Variants in GPAT3 observed in about 807,000 individuals in gnomAD.
GPAT3 encodes the protein glycerol-3-phosphate acyltransferase 3.
GPAT3 carries 53 observed loss-of-function variants against 58.8 expected under a neutral mutation model. The ratio of observed to expected loss-of-function variants is 0.90; its 90% CI spans 0.72 to 1.13. The LOEUF (loss-of-function observed/expected upper bound fraction) is 1.13. Ranked by LOEUF, GPAT3 falls within the 50% of genes most tolerant of loss-of-function variation. The pLI is 0.00. For synonymous variants in GPAT3, 197 were observed against 187.4 expected (o/e 1.05, Z -0.42); for missense variants, 511 against 527.6 (o/e 0.97, Z 0.31).
chr4:83,587,265 G>T lies in GPAT3; in HGVS notation c.490G>T (p.Ala164Ser). ...TCTTTTCTTTTTCAGGGTTACCTTG[G>T]CTTTCATTGGGATCAGTTTGCTGGT... is the stretch of plus-strand genomic sequence containing the variant. ...CVLLPLRVTLAFIGISLLVIG... is the reference protein window; with the variant it reads ...CVLLPLRVTLSFIGISLLVIG... Residue 164 changes from alanine to serine, a missense_variant, in exon 4 of 12, where the codon GCT (alanine) becomes TCT (serine). Coordinates refer to ENST00000264409, the MANE Select transcript of GPAT3 (RefSeq NM_032717.5). 1 of 1,613,562 alleles carries T rather than the reference G, an allele frequency of 6.2e-7. No homozygotes were observed. The highest frequency in any genetic ancestry group is 8.5e-7 in the Non-Finnish European group (1 of 1,179,850).
intron 1 of GPAT3, among the ~76,000 whole-genome samples, chr4:83,538,105 C>A (rs1259078401): frequency 6.6e-6 from 1 of 152,140 alleles, no homozygotes; most frequent in African/African-American, 2.4e-5. Context: ...ATTTTTGTGA[C>A]CTGTTTTCTC....
At chr4:83,563,180 G>A (rs62305332) in intron 2 of GPAT3, among the ~76,000 whole-genome samples, 28,280 of 152,148 alleles carry the variant, frequency 0.19, 3,099 homozygotes, top group East Asian at 0.31. Context: ...GGCTAGTGCT[G>A]GTGGACAAAC....
chr4:83,573,214 A>T (rs1438231017), intron 2 of GPAT3, among the ~76,000 whole-genome samples: 3 of 152,148 alleles, frequency 2.0e-5, no homozygotes, highest in Non-Finnish European at 2.9e-5. Flanking sequence ...GGTTTGGTTC[A>T]CTGCAACCTC....
chr4:83,541,513 T>G (rs948550901), intron 1 of GPAT3, among the ~76,000 whole-genome samples: 4 of 150,496 alleles, frequency 2.7e-5, no homozygotes, highest in African/African-American at 7.3e-5. Flanking sequence ...ATTATAGGCA[T>G]GAGCCACAGT....
In GPAT3 at chr4:83,536,726, C is replaced by T. The variant is rs1038574642; in HGVS notation, c.104C>T (p.Ser35Phe). 3.1e-6 allele frequency: 5 copies of T among 1,613,300 alleles called. No individual in the cohort carries two copies. The East Asian group carries it at 6.7e-5, about 22-fold the overall frequency. The part of the protein sequence containing the change: ...PSVFGVSLGI[S>F]EIYMKILVKT... ...GTCTTCGGAGTGTCTCTGGGCATCT[C>T]CGAGATCTACATGAAGATCCTAGTG... Residue 35 changes from serine (S) to phenylalanine (F), a missense_variant, in exon 1 of 12, where the codon TCC (serine) becomes TTC (phenylalanine). Physicochemically the swap from Ser to Phe is radical, Grantham distance 155. Transcript: ENST00000264409.
intron 10 of GPAT3, 142 bp downstream of exon 10, chr4:83,598,321 C>T: frequency 8.8e-7 from 1 of 1,135,546 alleles, no homozygotes; most frequent in Non-Finnish European, 1.2e-6. Flanking sequence ...ATTTAGCTCA[C>T]TTTAAATCAG....
At chr4:83,575,224 A>C (rs907898337) in intron 2 of GPAT3, among the ~76,000 whole-genome samples, 2 of 151,824 alleles carry the variant, frequency 1.3e-5, no homozygotes, top group African/African-American at 2.4e-5. Flanking sequence ...CTTCCTTTCT[A>C]ATCTGTAATT....
At position 83,596,930 on chromosome 4, in the gene GPAT3, C is replaced by T. The variant is rs777610967; in HGVS notation, c.910+17C>T. ...TTCCTGAAGGTAAGAATGGGCCTGC[C>T]TCCCGAGCTATAGTTGATAACAACA... is the stretch of plus-strand genomic sequence containing the variant. On this transcript the variant is annotated intron_variant, in intron 8 of 11. Transcript: ENST00000264409. 1.7e-5 allele frequency: 27 copies of T among 1,596,498 alleles called. No individual in the cohort carries two copies. The highest frequency in any genetic ancestry group is 2.2e-5 in the Non-Finnish European group (26 of 1,170,500).
chr4:83,562,248 TAA>T, intron 2 of GPAT3, among the ~76,000 whole-genome samples: 1 of 110,768 alleles, frequency 9.0e-6, no homozygotes, highest in Non-Finnish European at 1.8e-5. Context: ...TATATATATA[TAA>T]AATATAGTTT....
Position 83,541,949 on chromosome 4 carries a change from GTCAGATTGGATTAGGGC to G in GPAT3, c.142-2586_142-2570del, listed in dbSNP as rs1197327414. Among the ~76,000 whole-genome samples the G allele has an allele frequency of 5.3e-5, 8 of 152,162 alleles. No individual in the cohort carries two copies. In the East Asian group the frequency reaches 1.5e-3, roughly 29 times the overall value. On this transcript the variant is annotated intron_variant, in intron 1 of 11. Coordinates refer to ENST00000264409, the MANE Select transcript of GPAT3 (RefSeq NM_032717.5). The stretch of plus-strand genomic sequence containing the variant: ...GTTTCCTCTTCTTACAAGGACATCA[GTCAGATTGGATTAGGGC>G]CCACCCTAAGGGCTTCTTTTTAACT...
At chr4:83,549,396 G>T (rs1010592569) in intron 2 of GPAT3, among the ~76,000 whole-genome samples, 4 of 151,552 alleles carry the variant, frequency 2.6e-5, no homozygotes, top group Admixed American at 2.6e-4. Context: ...ACATAATTCA[G>T]TTATGGGGTT....
At chr4:83,601,310 A>G (rs956928538) in intron 11 of GPAT3, among the ~76,000 whole-genome samples, 2 of 152,238 alleles carry the variant, frequency 1.3e-5, no homozygotes, top group Non-Finnish European at 2.9e-5. Flanking sequence ...ACTGTACTCC[A>G]TTATGCAAGG....
intron 2 of GPAT3, among the ~76,000 whole-genome samples, chr4:83,579,059 TTTCTTTCTTTCTTTCTTTCTTCCC>T (rs1217065125): frequency 5.7e-5 from 2 of 34,932 alleles, no homozygotes; most frequent in Non-Finnish European, 1.1e-4. Flanking sequence ...TCTTTCTTTC[TTTCTTTCTTTCTTTCTTTCTTCCC>T]TTCCTTCCTT....
At chr4:83,568,531 G>A (rs1339064860) in intron 2 of GPAT3, among the ~76,000 whole-genome samples, 2 of 148,506 alleles carry the variant, frequency 1.3e-5, no homozygotes, top group African/African-American at 5.0e-5. Context: ...TTTTTGAGAC[G>A]GAGTCTCGCT....
intron 2 of GPAT3, among the ~76,000 whole-genome samples, chr4:83,575,168 G>A (rs1345686825): frequency 2.0e-5 from 3 of 151,822 alleles, no homozygotes; most frequent in Non-Finnish European, 4.4e-5. Context: ...GAGCCACCGC[G>A]CCCGGCCAAC....
At position 83,577,280 on chromosome 4, in the gene GPAT3, C is replaced by T. The variant is rs968068459; in HGVS notation, c.209-4282C>T. On this transcript the variant is annotated intron_variant, in intron 2 of 11. Coordinates refer to ENST00000264409, the MANE Select transcript of GPAT3 (RefSeq NM_032717.5). ...TGACTTGACATGTAAATGTAAGGTG[C>T]AATCCTGGACCAGAAAAAAAAAATT... is the stretch of plus-strand genomic sequence containing the variant. 9.2e-5 allele frequency among the ~76,000 whole-genome samples: 14 copies of T among 151,664 alleles called. 1 individual carries two copies. In the East Asian group the frequency reaches 2.7e-3, roughly 29 times the overall value.
At chr4:83,551,002 A>T (rs1724729093) in intron 2 of GPAT3, among the ~76,000 whole-genome samples, 1 of 152,224 alleles carries the variant, frequency 6.6e-6, no homozygotes, top group African/African-American at 2.4e-5. Flanking sequence ...AATTTAGTTC[A>T]ATCACTTTGG....
rs1724073611 is a variant in GPAT3 at position 83,536,190 on chromosome 4, G to T, written c.-433G>T. On this transcript the variant is annotated 5_prime_UTR_variant, in exon 1 of 12. Transcript: ENST00000264409. ...GTGCGGTGCTCCCGCAGGGAACCTG[G>T]CTCGGGGAGGGCCTCCGTGAGTCAT... is the stretch of plus-strand genomic sequence containing the variant. 1 of 986,914 alleles carries T rather than the reference G, an allele frequency of 1.0e-6. No individual in the cohort carries two copies. Among genetic ancestry groups the T allele is most frequent in the Non-Finnish European group, 1.2e-6 (1 of 831,054 alleles). 61.1% of individuals were successfully genotyped at this position (986,914 alleles called of 1,614,324 possible). A position where few individuals can be genotyped will look rare whatever the true frequency, so the allele number is the denominator to read the frequency against.
At chr4:83,561,975 A>G (rs1430301284) in intron 2 of GPAT3, among the ~76,000 whole-genome samples, 3 of 151,038 alleles carry the variant, frequency 2.0e-5, no homozygotes, top group Non-Finnish European at 4.4e-5. Context: ...GCTTGTGATC[A>G]TTTAAGACAA....
Sources: gnomAD v4.1 joint callset for allele counts (sites outside exome capture counted in the v4.1 genomes callset) on GRCh38, gnomAD v4.1.1 for gene constraint, MANE v1.5 for transcripts, NCBI Gene and HGNC (gene_info 2026-07-23, HGNC 2026-07-21) for gene names.